The following PTPRT variants were observed in gnomAD, a reference collection of about 807,000 sequenced individuals.
PTPRT encodes the protein receptor-type tyrosine-protein phosphatase T.
A neutral mutation model predicts 176.8 loss-of-function variants in PTPRT; 56 were observed. The observed-to-expected ratio is 0.32, with a 90% CI of 0.26 to 0.40. PTPRT has a LOEUF of 0.40. PTPRT is among the 10% of genes least tolerant of loss of function. The pLI, the probability that PTPRT is intolerant of heterozygous loss-of-function variation, is 1.00. For missense variants in PTPRT, 1,540 were observed against 1,908.2 expected (o/e 0.81, Z 3.60); for synonymous variants, 783 against 739.0 (o/e 1.06, Z -0.96).
At chr20:43,153,685 A>G (rs1164326579) in intron 1 of PTPRT, among the ~76,000 whole-genome samples, 1 of 152,182 alleles carries the variant, frequency 6.6e-6, no homozygotes, top group African/African-American at 2.4e-5. Flanking sequence ...GAAAGTCTCA[A>G]TAAAGGTCGC....
chr20:42,481,534 TA>T, intron 7 of PTPRT, among the ~76,000 whole-genome samples: 1 of 152,198 alleles, frequency 6.6e-6, no homozygotes, highest in Non-Finnish European at 1.5e-5. Flanking sequence ...TGCTAATATT[TA>T]GTTTGCTAAT....
Position 43,057,317 on chromosome 20 carries a change from AG to A in PTPRT, c.88+132328del, listed in dbSNP as rs1239042650. On this transcript the variant is annotated intron_variant, in intron 1 of 30. Coordinates refer to ENST00000373187, the MANE Select transcript of PTPRT (RefSeq NM_007050.6). Reference sequence around the variant, plus strand: ...GGGAGGGGGGAAGGAATGGAGGAGGAGGGGGGAAGGGGAGAAGGAGGGGAGG... The same window carrying A: ...GGGAGGGGGGAAGGAATGGAGGAGGAGGGGGAAGGGGAGAAGGAGGGGAGG... Among the ~76,000 whole-genome samples the A allele has an allele frequency of 3.5e-4, 15 of 43,186 alleles. No homozygotes were observed. The East Asian group carries it at 5.4e-3, about 15-fold the overall frequency. The allele number at this position is 43,186 out of a possible 152,430, so 28.3% of individuals were successfully genotyped here. A position where few individuals can be genotyped will look rare whatever the true frequency, so the allele number is the denominator to read the frequency against.
At chr20:43,100,401 GA>G (rs1170954799) in intron 1 of PTPRT, among the ~76,000 whole-genome samples, 3 of 151,920 alleles carry the variant, frequency 2.0e-5, no homozygotes, top group Non-Finnish European at 4.4e-5. Flanking sequence ...AGAAAGAAAG[GA>G]TATACACACA....
chr20:42,518,399 G>C (rs764712004), intron 7 of PTPRT, among the ~76,000 whole-genome samples: 10 of 151,730 alleles, frequency 6.6e-5, no homozygotes, highest in Non-Finnish European at 1.5e-4. Flanking sequence ...ACCCTGTTTT[G>C]TGTTTTCTAT....
At chr20:42,519,037 C>T (rs2072121516) in intron 7 of PTPRT, among the ~76,000 whole-genome samples, 1 of 152,052 alleles carries the variant, frequency 6.6e-6, no homozygotes, top group African/African-American at 2.4e-5. Flanking sequence ...ATGTCCTGAT[C>T]GAGTTCTTCA....
chr20:42,689,980 A>C (rs2075766131), intron 6 of PTPRT, among the ~76,000 whole-genome samples: 2 of 152,138 alleles, frequency 1.3e-5, no homozygotes, highest in Non-Finnish European at 2.9e-5. Flanking sequence ...AGCAATCAAA[A>C]ACTAATACAA....
intron 9 of PTPRT, among the ~76,000 whole-genome samples, chr20:42,442,549 G>T (rs182099268): frequency 6.6e-6 from 1 of 152,208 alleles, no homozygotes. Context: ...TTCCCTTTAA[G>T]CTTCTCAGAT....
chr20:43,091,866 C>G (rs1305156986), intron 1 of PTPRT, among the ~76,000 whole-genome samples: 1 of 152,094 alleles, frequency 6.6e-6, no homozygotes, highest in African/African-American at 2.4e-5. Context: ...TCCGCTTCCT[C>G]CACTCACAAG....
At chr20:42,806,356 C>A (rs147454951) in intron 2 of PTPRT, among the ~76,000 whole-genome samples, 2 of 151,790 alleles carry the variant, frequency 1.3e-5, no homozygotes, top group Non-Finnish European at 2.9e-5. Context: ...TGGTGGCGCA[C>A]GATTGTAATC....
chr20:42,428,513 C>A (rs1391418507), intron 9 of PTPRT, among the ~76,000 whole-genome samples: 1 of 152,066 alleles, frequency 6.6e-6, no homozygotes, highest in Non-Finnish European at 1.5e-5. Context: ...AAATATTAGC[C>A]CAACTTGCCT....
intron 9 of PTPRT, among the ~76,000 whole-genome samples, chr20:42,363,105 G>GAAAAAAA (rs71193658): frequency 2.1e-5 from 1 of 47,206 alleles, no homozygotes; most frequent in Non-Finnish European, 3.5e-5. Flanking sequence ...CTCCATTTCA[G>GAAAAAAA]AAAAAAAAAA....
At chr20:42,617,299 A>T (rs2074100323) in intron 7 of PTPRT, among the ~76,000 whole-genome samples, 1 of 136,794 alleles carries the variant, frequency 7.3e-6, no homozygotes, top group Non-Finnish European at 1.5e-5. Flanking sequence ...CTACTTGATC[A>T]TGGTGGATAA....
intron 1 of PTPRT, among the ~76,000 whole-genome samples, chr20:42,955,855 A>AGGAGGGAG (rs970250649): frequency 5.9e-5 from 3 of 51,210 alleles, no homozygotes; most frequent in African/African-American, 2.3e-4. Context: ...GGGAGGGAGA[A>AGGAGGGAG]GGAGGGAGGG....
At chr20:42,305,688 T>C (rs2057537033) in intron 12 of PTPRT, among the ~76,000 whole-genome samples, 1 of 152,170 alleles carries the variant, frequency 6.6e-6, no homozygotes, top group African/African-American at 2.4e-5. Context: ...CAAAGAGTTA[T>C]CACGCCTACC....
intron 5 of PTPRT, among the ~76,000 whole-genome samples, chr20:42,762,421 C>T (rs1342308429): frequency 2.0e-5 from 3 of 152,158 alleles, no homozygotes. Context: ...CCTCTTAAGT[C>T]CCTTAATGGA....
intron 15 of PTPRT, among the ~76,000 whole-genome samples, chr20:42,220,864 C>CTT (rs2055870306): frequency 6.6e-6 from 1 of 152,216 alleles, no homozygotes; most frequent in Admixed American, 6.5e-5. Context: ...CGTATCCTCT[C>CTT]TTTAATCTTG....
intron 5 of PTPRT, among the ~76,000 whole-genome samples, chr20:42,759,979 A>C (rs535552088): frequency 6.6e-6 from 1 of 152,198 alleles, no homozygotes; most frequent in Admixed American, 6.5e-5. Context: ...AGGGGCTAAG[A>C]AAGGATGAGA....
chr20:42,172,508 A>C (rs1391867696), intron 16 of PTPRT, among the ~76,000 whole-genome samples: 1 of 152,228 alleles, frequency 6.6e-6, no homozygotes, highest in East Asian at 1.9e-4. Context: ...ACACCAGCCC[A>C]TCACCTGGGT....
At chr20:43,054,517 A>G (rs1987160315) in intron 1 of PTPRT, among the ~76,000 whole-genome samples, 1 of 151,506 alleles carries the variant, frequency 6.6e-6, no homozygotes, top group African/African-American at 2.4e-5. Context: ...TTGTACCACT[A>G]TACTTCAGTC....
Sources: gnomAD v4.1 joint callset for allele counts (sites outside exome capture counted in the v4.1 genomes callset) on GRCh38, gnomAD v4.1.1 for gene constraint, MANE v1.5 for transcripts, NCBI Gene and HGNC (gene_info 2026-07-23, HGNC 2026-07-21) for gene names.